The following MTMR12 variants were observed in gnomAD, a reference collection of about 807,000 sequenced individuals.
MTMR12 encodes the protein myotubularin-related protein 12.
A neutral mutation model predicts 96.7 loss-of-function variants in MTMR12; 33 were observed. The observed-to-expected ratio is 0.34, with a 90% CI of 0.26 to 0.46. MTMR12 has a LOEUF of 0.46. MTMR12 is among the 20% of genes least tolerant of loss of function. MTMR12 has a pLI of 1.00. For synonymous variants in MTMR12, 298 were observed against 327.2 expected, an observed-to-expected ratio of 0.91 and a Z score of 0.96; for missense variants, 721 against 896.1, an observed-to-expected ratio of 0.80 and a Z score of 2.49.
In MTMR12 at chr5:32,268,703, GT is replaced by G; in HGVS notation, c.580del (p.Thr194GlnfsTer10). The G allele has an allele frequency of 6.2e-7, 1 of 1,611,902 alleles. No homozygotes were observed. Among genetic ancestry groups the G allele is most frequent in the Non-Finnish European group, 8.5e-7 (1 of 1,178,002 alleles). On this transcript the variant is annotated frameshift_variant, in exon 6 of 16. Transcript: ENST00000382142. LOFTEE classifies it high-confidence loss of function. ...ATTAGAACCCAGAAGATATTTACCT[GT>G]ATTGTTTTGTGCAGCAGTCGCATAG... ...FSYATAAQNNTVTDPKNHTVM... is the reference protein window; with the variant it reads ...FSYATAAQNNXVTDPKNHTVM...
intron 5 of MTMR12, among the ~76,000 whole-genome samples, chr5:32,270,069 A>C (rs1189585640): frequency 2.0e-5 from 3 of 152,228 alleles, no homozygotes; most frequent in Non-Finnish European, 4.4e-5. Context: ...GACAGTATAC[A>C]TGAACAGGCC....
At position 32,233,973 on chromosome 5, in the gene MTMR12, GGGCTGAGGAA is replaced by G; in HGVS notation, c.1513-49_1513-40del. The G allele has an allele frequency of 6.2e-7, 1 of 1,612,276 alleles. No individual in the cohort carries two copies. The highest frequency in any genetic ancestry group is 8.5e-7 in the Non-Finnish European group (1 of 1,178,666). On this transcript the variant is annotated intron_variant, in intron 14 of 15. Transcript: ENST00000382142. The surrounding 1 kb of genome is among the most constrained non-coding windows in gnomAD (Gnocchi z 5.0). ...CACAGGTCATGCTGTTTTCCAGGGAGGGCTGAGGAAGGCAAACACATACTTCTGGACACAG... is the reference window on the plus strand; with the variant it reads ...CACAGGTCATGCTGTTTTCCAGGGAGGGCAAACACATACTTCTGGACACAG...
In MTMR12 at chr5:32,239,012, C is replaced by T. The variant is rs902325624; in HGVS notation, c.1333G>A (p.Asp445Asn). 9 of 1,593,012 alleles carry T rather than the reference C, an allele frequency of 5.6e-6. No homozygotes were observed. Among genetic ancestry groups the T allele is most frequent in the Non-Finnish European group, 7.7e-6 (9 of 1,167,498 alleles). Reference protein sequence around the residue: ...LDRCNHLRQNDKEEVPVFLLF... With the variant: ...LDRCNHLRQNNKEEVPVFLLF... ...GTGAGGGAACTCACCTCCTCTTTGT[C>T]GTTCTGGCGGAGATGGTTGCAGCGA... is the stretch of plus-strand genomic sequence containing the variant. The change falls in exon 13 of 16, where the codon GAC (aspartate) becomes AAC (asparagine). Residue 445 changes from aspartate (D) to asparagine (N), a missense_variant. Asp to Asn is a conservative substitution (Grantham distance 23, BLOSUM62 1). Transcript: ENST00000382142.
intron 1 of MTMR12, among the ~76,000 whole-genome samples, chr5:32,295,983 A>G (rs1251509911): frequency 2.6e-5 from 4 of 151,962 alleles, no homozygotes; most frequent in African/African-American, 7.2e-5. Flanking sequence ...GTGAAACCCC[A>G]TCTCTACTAA....
chr5:32,284,580 G>A (rs1398644413), intron 1 of MTMR12, among the ~76,000 whole-genome samples: 2 of 152,078 alleles, frequency 1.3e-5, no homozygotes, highest in Admixed American at 6.6e-5. Flanking sequence ...TCTTTGGGGT[G>A]GTGGGAGCTT....
intron 1 of MTMR12, among the ~76,000 whole-genome samples, chr5:32,282,376 G>T (rs1273593615): frequency 6.6e-6 from 1 of 150,672 alleles, no homozygotes; most frequent in African/African-American, 2.4e-5. Flanking sequence ...AGCCGAGATT[G>T]TGCCACTGCA....
intron 1 of MTMR12, among the ~76,000 whole-genome samples, chr5:32,287,807 C>G (rs1750596642): frequency 6.6e-6 from 1 of 152,190 alleles, no homozygotes; most frequent in African/African-American, 2.4e-5. Flanking sequence ...ACTCCTGATT[C>G]ATCGCTCATG....
chr5:32,258,121 T>C (rs984710440), intron 7 of MTMR12, among the ~76,000 whole-genome samples: 1 of 150,340 alleles, frequency 6.7e-6, no homozygotes, highest in African/African-American at 2.5e-5. Context: ...AGTGAGACCC[T>C]GTCTCAAAAA....
chr5:32,236,809 C>G (rs1294138087), intron 13 of MTMR12, among the ~76,000 whole-genome samples: 1 of 151,404 alleles, frequency 6.6e-6, no homozygotes, highest in Non-Finnish European at 1.5e-5. Flanking sequence ...TGCACTCCAG[C>G]CTGGGCAACA....
chr5:32,260,589 G>C (rs1439171465), intron 7 of MTMR12, among the ~76,000 whole-genome samples: 1 of 151,558 alleles, frequency 6.6e-6, no homozygotes, highest in Non-Finnish European at 1.5e-5. Flanking sequence ...GCAAGAGCTA[G>C]CTTTATCCTT....
intron 1 of MTMR12, among the ~76,000 whole-genome samples, chr5:32,311,497 T>C (rs77405198): frequency 0.016 from 2,450 of 152,266 alleles, 32 homozygotes; most frequent in Non-Finnish European, 0.025. Flanking sequence ...AGATCTCTCA[T>C]CCACAGCCCA....
chr5:32,241,312 C>T (rs754181685), intron 12 of MTMR12, among the ~76,000 whole-genome samples: 22 of 152,192 alleles, frequency 1.4e-4, no homozygotes, highest in Non-Finnish European at 2.9e-4. Context: ...GTATTCAAAT[C>T]TAAGTCGGTC....
At chr5:32,254,934 T>C (rs914001848) in intron 8 of MTMR12, among the ~76,000 whole-genome samples, 3 of 152,222 alleles carry the variant, frequency 2.0e-5, no homozygotes, top group African/African-American at 7.2e-5. Context: ...ACTTGGCTCA[T>C]ATTCCCATGT....
intron 1 of MTMR12, among the ~76,000 whole-genome samples, chr5:32,282,585 C>T (rs1189358033): frequency 1.3e-5 from 2 of 151,812 alleles, no homozygotes; most frequent in African/African-American, 4.8e-5. Flanking sequence ...AACAAATAAC[C>T]ATCATCACCA....
chr5:32,257,651 C>T (rs1489809869), intron 7 of MTMR12, among the ~76,000 whole-genome samples: 1 of 151,998 alleles, frequency 6.6e-6, no homozygotes, highest in Non-Finnish European at 1.5e-5. Flanking sequence ...TGCCTGTAAT[C>T]CCAGCTACTC....
chr5:32,280,872 T>C (rs981016554), intron 1 of MTMR12, among the ~76,000 whole-genome samples: 1 of 152,108 alleles, frequency 6.6e-6, no homozygotes, highest in Non-Finnish European at 1.5e-5. Flanking sequence ...GTCATGTAAT[T>C]TGTTATAGTT....
At chr5:32,295,169 G>A (rs752896026) in intron 1 of MTMR12, among the ~76,000 whole-genome samples, 2 of 152,248 alleles carry the variant, frequency 1.3e-5, no homozygotes, top group Non-Finnish European at 2.9e-5. Flanking sequence ...GAGCAGGCCT[G>A]ACTAGCAGGC....
chr5:32,245,766 T>C (rs148337818), intron 10 of MTMR12, among the ~76,000 whole-genome samples: 2,343 of 152,036 alleles, frequency 0.015, 32 homozygotes, highest in Non-Finnish European at 0.024. Flanking sequence ...AGGTGGAGGT[T>C]GCAGTGAGCC....
intron 1 of MTMR12, among the ~76,000 whole-genome samples, chr5:32,279,236 T>C (rs1187895724): frequency 6.6e-6 from 1 of 151,270 alleles, no homozygotes; most frequent in African/African-American, 2.4e-5. Context: ...GTGAGACTCA[T>C]CTCTACAAAA....
Sources: allele counts gnomAD v4.1 joint callset (sites outside exome capture counted in the v4.1 genomes callset), GRCh38; gene constraint gnomAD v4.1.1; non-coding constraint Gnocchi (gnomAD v3.1); transcripts MANE v1.5; gene names NCBI Gene and HGNC (gene_info 2026-07-23, HGNC 2026-07-21).